The following AGPAT3 variants were observed in gnomAD, a reference collection of about 807,000 sequenced individuals.
AGPAT3 encodes the protein 1-acylglycerol-3-phosphate O-acyltransferase 3, also known as 1-acyl-sn-glycerol-3-phosphate acyltransferase gamma.
A neutral mutation model predicts 47.3 loss-of-function variants in AGPAT3; 5 were observed. The ratio of observed to expected loss-of-function variants is 0.11; its 90% confidence interval spans 0.06 to 0.22. The LOEUF is 0.22. Among genes scored for constraint, AGPAT3 ranks in the 10% least tolerant of loss-of-function variants. The probability of loss-of-function intolerance (pLI) is 1.00; values close to 1 mark genes in which losing one functional copy is unlikely to be tolerated. For synonymous variants in AGPAT3, 212 were observed against 208.3 expected, an observed-to-expected ratio of 1.02 and a Z score of -0.15; for missense variants, 315 against 493.0, an observed-to-expected ratio of 0.64 and a Z score of 3.42.
chr21:43,882,132 G>A (rs1460201176), intron 1 of AGPAT3, among the ~76,000 whole-genome samples: 1 of 152,240 alleles, frequency 6.6e-6, no homozygotes, highest in African/African-American at 2.4e-5. Flanking sequence ...CCTCATCTGG[G>A]GGCCCTGTGC....
rs2146299811 is a variant in AGPAT3, at chr21:43,933,682, CA to C, written c.-48-25949del. Among the ~76,000 whole-genome samples, 2 of 151,954 alleles carry C rather than the reference CA, an allele frequency of 1.3e-5. No homozygotes were observed. The highest frequency in any genetic ancestry group is 4.2e-4 in the South Asian group (2 of 4,792). On this transcript the variant is annotated intron_variant, in intron 2 of 9. Coordinates refer to ENST00000291572, the MANE Select transcript of AGPAT3 (RefSeq NM_020132.5). The surrounding 1 kb of genome is among the most constrained non-coding windows in gnomAD (Gnocchi z 6.0). ...CTCCAGTAGTCTCGGCATGTAGCAGCAAATGTGGGAGGGGCAGCACAGGGGA... is the reference window on the plus strand; with the variant it reads ...CTCCAGTAGTCTCGGCATGTAGCAGCAATGTGGGAGGGGCAGCACAGGGGA...
In AGPAT3 at chr21:43,865,880, A is replaced by G. The variant is rs570203458; in HGVS notation, c.-112+535A>G. 2.7e-3 allele frequency among the ~76,000 whole-genome samples: 405 copies of G among 151,866 alleles called. 2 individuals carry two copies. Among genetic ancestry groups the G allele is most frequent in the Middle Eastern group, 6.8e-3 (2 of 294 alleles). On this transcript the variant is annotated intron_variant, in intron 1 of 9. Coordinates refer to ENST00000291572, the MANE Select transcript of AGPAT3 (RefSeq NM_020132.5). ...CCTCGCGCGCCCAGGCCAAGGGAGC[A>G]GTTTCACTTTTGCCGCTCCGCGCGG...
At chr21:43,911,527 G>A (rs1601285267) in intron 2 of AGPAT3, among the ~76,000 whole-genome samples, 2 of 152,332 alleles carry the variant, frequency 1.3e-5, no homozygotes, top group African/African-American at 2.4e-5. Flanking sequence ...CCCAGATGCC[G>A]CCTCGCTGGA....
At chr21:43,943,354 G>A (rs532417405) in intron 2 of AGPAT3, among the ~76,000 whole-genome samples, 2 of 152,236 alleles carry the variant, frequency 1.3e-5, no homozygotes, top group East Asian at 1.9e-4. Flanking sequence ...GATTACAGGC[G>A]TGAGCCACTG....
chr21:43,879,930 G>A (rs750747280), intron 1 of AGPAT3, among the ~76,000 whole-genome samples: 5 of 152,142 alleles, frequency 3.3e-5, no homozygotes, highest in Non-Finnish European at 7.4e-5. Flanking sequence ...CCGTGTCCCC[G>A]CATCCTGGCA....
At position 43,985,892 on chromosome 21, in the gene AGPAT3, C is replaced by A. The variant is rs922741413; in HGVS notation, c.*3500C>A. ...GCACCTAGGCTCAGGGTTCAAACGGCCAGCCCGAAAAGCCTGCCTGCCTTC... is the reference window on the plus strand; with the variant it reads ...GCACCTAGGCTCAGGGTTCAAACGGACAGCCCGAAAAGCCTGCCTGCCTTC... On this transcript the variant is annotated 3_prime_UTR_variant, in exon 10 of 10. Transcript: ENST00000291572. The A allele has an allele frequency of 6.6e-6, 1 of 152,518 alleles. No homozygotes were observed. The highest frequency in any genetic ancestry group is 1.5e-5 in the Non-Finnish European group (1 of 68,274). The allele number at this position is 152,518 out of a possible 1,614,324, so 9.4% of individuals were successfully genotyped here.
In AGPAT3 at chr21:43,970,811, GC is replaced by G; in HGVS notation, c.664+9del. 6.5e-7 allele frequency: 1 copy of G among 1,540,760 alleles called. No homozygotes were observed. Among genetic ancestry groups the G allele is most frequent in the Non-Finnish European group, 8.8e-7 (1 of 1,139,418 alleles). ...TCAAGTGCCTCCGGGGGACAGGTAG[GC>G]CCCAGACTGCCCGAGCCGGGGCCAC... On this transcript the variant is annotated splice_donor_region_variant and intron_variant, in intron 6 of 9. Coordinates refer to ENST00000291572, the MANE Select transcript of AGPAT3 (RefSeq NM_020132.5). This position sits in a 1 kb window ranked among gnomAD's most constrained non-coding sequence, Gnocchi z 5.8.
intron 2 of AGPAT3, among the ~76,000 whole-genome samples, chr21:43,936,066 C>G (rs111568467): frequency 6.6e-6 from 1 of 152,238 alleles, no homozygotes; most frequent in African/African-American, 2.4e-5. Context: ...GCCCTGGCCC[C>G]CACACCTGCA....
At chr21:43,978,188 A>G in intron 8 of AGPAT3, 67 bp downstream of exon 8, 2 of 1,444,678 alleles carry the variant, frequency 1.4e-6, no homozygotes, top group South Asian at 2.3e-5. Context: ...GGTGCTGGCG[A>G]GCAGGCAGGT....
At chr21:43,901,322 A>T (rs1299038813) in intron 1 of AGPAT3, among the ~76,000 whole-genome samples, 1 of 5,634 alleles carries the variant, frequency 1.8e-4, no homozygotes, top group Non-Finnish European at 2.7e-4. Flanking sequence ...AACTCTGTTA[A>T]AAAAAAAAAA....
chr21:43,978,015 C>T, intron 7 of AGPAT3, 31 bp from the exon 8 acceptor site: 1 of 1,589,694 alleles, frequency 6.3e-7, no homozygotes, highest in Non-Finnish European at 8.6e-7. Context: ...TGTGGTGATT[C>T]ACCCTACCTT....
rs1371461985 is a variant in AGPAT3, at chr21:43,922,469, G to A, written c.-49+18450G>A. Among the ~76,000 whole-genome samples, 3 of 152,100 alleles carry A rather than the reference G, an allele frequency of 2.0e-5. No homozygotes were observed. Among genetic ancestry groups the A allele is most frequent in the African/African-American group, 7.2e-5 (3 of 41,418 alleles). On this transcript the variant is annotated intron_variant, in intron 2 of 9. Coordinates refer to ENST00000291572, the MANE Select transcript of AGPAT3 (RefSeq NM_020132.5). The surrounding 1 kb of genome is among the most constrained non-coding windows in gnomAD (Gnocchi z 4.9). ...CAAGGCAGGCAGCGAGTGGAGGAGA[G>A]TCTCCCTGGGACCCTCCTTAACCCC... is the stretch of plus-strand genomic sequence containing the variant.
Position 43,970,931 on chromosome 21 carries a change from C to T in AGPAT3, c.664+125C>T. On this transcript the variant is annotated intron_variant, in intron 6 of 9. Coordinates refer to ENST00000291572, the MANE Select transcript of AGPAT3 (RefSeq NM_020132.5). This position sits in a 1 kb window ranked among gnomAD's most constrained non-coding sequence, Gnocchi z 5.8. ...AGAAGAACAGAAGTGCAAAAGGAAT[C>T]AAGTGAGGGGGTCGGCGCCGCAAGG... is the stretch of plus-strand genomic sequence containing the variant. 1 of 1,162,708 alleles carries T rather than the reference C, an allele frequency of 8.6e-7. No individual in the cohort carries two copies. Among genetic ancestry groups the T allele is most frequent in the Admixed American group, 3.5e-5 (1 of 28,814 alleles). The allele number at this position is 1,162,708 out of a possible 1,614,324, so 72.0% of individuals were successfully genotyped here. A position where few individuals can be genotyped will look rare whatever the true frequency, so the allele number is the denominator to read the frequency against.
intron 1 of AGPAT3, among the ~76,000 whole-genome samples, chr21:43,897,769 C>T (rs1394100576): frequency 6.6e-6 from 1 of 152,190 alleles, no homozygotes; most frequent in East Asian, 1.9e-4. Flanking sequence ...AATCTTAGCA[C>T]TTTGGGAGGC....
intron 1 of AGPAT3, among the ~76,000 whole-genome samples, chr21:43,868,662 C>T (rs2085560354): frequency 6.6e-6 from 1 of 152,220 alleles, no homozygotes; most frequent in Non-Finnish European, 1.5e-5. Flanking sequence ...TCCTGATTCT[C>T]AGCCAGGTGC....
At chr21:43,919,390 A>G (rs1209272620) in intron 2 of AGPAT3, among the ~76,000 whole-genome samples, 1 of 152,184 alleles carries the variant, frequency 6.6e-6, no homozygotes, top group Non-Finnish European at 1.5e-5. Flanking sequence ...ATAAGTGAGA[A>G]CAGTTTTTGG....
chr21:43,908,379 C>A lies in AGPAT3; in HGVS notation c.-49+4360C>A, dbSNP rs1164532735. Among the ~76,000 whole-genome samples the A allele has an allele frequency of 6.6e-6, 1 of 152,186 alleles. No homozygotes were observed. Among genetic ancestry groups the A allele is most frequent in the Non-Finnish European group, 1.5e-5 (1 of 68,038 alleles). On this transcript the variant is annotated intron_variant, in intron 2 of 9. Transcript: ENST00000291572. This position sits in a 1 kb window ranked among gnomAD's most constrained non-coding sequence, Gnocchi z 4.9. ...CCTGACCTGTGTGTTGAGCCCCGGC[C>A]CTTCTCGATCAGAAAGGAGGTGTCC... is the stretch of plus-strand genomic sequence containing the variant.
chr21:43,971,517 G>T (rs373880358), intron 7 of AGPAT3, 27 bp downstream of exon 7: 1 of 1,607,110 alleles, frequency 6.2e-7, no homozygotes, highest in Non-Finnish European at 8.5e-7. Flanking sequence ...TGGCTCTCGC[G>T]CCGCCCCCCA....
intron 2 of AGPAT3, among the ~76,000 whole-genome samples, chr21:43,917,022 C>T (rs1033630180): frequency 3.9e-5 from 6 of 152,092 alleles, no homozygotes; most frequent in African/African-American, 1.2e-4. Flanking sequence ...TGGCAGAGCC[C>T]GTGGCCCCTC....
Sources: allele counts gnomAD v4.1 joint callset (sites outside exome capture counted in the v4.1 genomes callset), GRCh38; gene constraint gnomAD v4.1.1; non-coding constraint Gnocchi (gnomAD v3.1); transcripts MANE v1.5; gene names NCBI Gene and HGNC (gene_info 2026-07-23, HGNC 2026-07-21).